GAREM1: variants seen among roughly 807,000 people sequenced by gnomAD.
The protein encoded by GAREM1 is GRB2 associated regulator of MAPK1 subtype 1, also known as GRB2-associated and regulator of MAPK protein 1.
In GAREM1, 26 loss-of-function variants were observed where a neutral mutation model predicts 71.3. The observed-to-expected ratio is 0.36, with a 90% CI of 0.27 to 0.51. GAREM1 has a LOEUF of 0.51. Ranked by LOEUF, GAREM1 falls within the 20% of genes least tolerant of loss-of-function variation. GAREM1 has a pLI of 0.95. For missense variants in GAREM1, 1,026 were observed against 1,103.1 expected (o/e 0.93, Z 0.99); for synonymous variants, 440 against 433.2 (o/e 1.02, Z -0.20).
At chr18:32,321,090 CT>C (rs1438806163) in intron 2 of GAREM1, among the ~76,000 whole-genome samples, 1 of 152,138 alleles carries the variant, frequency 6.6e-6, no homozygotes, top group Non-Finnish European at 1.5e-5. Context: ...CATTATTCAC[CT>C]TAAAATACAA....
chr18:32,423,725 A>G (rs1009505259), intron 1 of GAREM1, among the ~76,000 whole-genome samples: 5 of 152,236 alleles, frequency 3.3e-5, no homozygotes, highest in South Asian at 2.1e-4. Context: ...TGCAAGGAGC[A>G]TTAAGGATCA....
Position 32,268,421 on chromosome 18 carries a change from C to G in GAREM1, c.2081G>C (p.Gly694Ala), listed in dbSNP as rs1206882920. The change falls in exon 6 of 6, where the codon GGT becomes GCT. Residue 694 changes from glycine to alanine, a missense_variant. Coordinates refer to ENST00000269209, the MANE Select transcript of GAREM1 (RefSeq NM_001242409.2). Reference protein sequence around the residue: ...VTAEFSSSVSGCPKSASYSLE... With the variant: ...VTAEFSSSVSACPKSASYSLE... ...AGAGTAGCTGGCTGACTTGGGACAA[C>G]CAGAGACGCTGCTACTGAATTCTGC... 1.2e-6 allele frequency: 2 copies of G among 1,614,164 alleles called. No individual in the cohort carries two copies. Among genetic ancestry groups the G allele is most frequent in the Middle Eastern group, 1.6e-4 (1 of 6,062 alleles).
chr18:32,378,057 T>TGTGTGTGTGTGTGTGTGTGTGTGC (rs1293817110), intron 2 of GAREM1, among the ~76,000 whole-genome samples: 5 of 127,526 alleles, frequency 3.9e-5, no homozygotes, highest in African/African-American at 1.2e-4. Flanking sequence ...TGTGTGTGTG[T>TGTGTGTGTGTGTGTGTGTGTGTGC]GCGCGCGGGC....
At chr18:32,306,666 A>G (rs2047258806) in intron 3 of GAREM1, among the ~76,000 whole-genome samples, 1 of 152,168 alleles carries the variant, frequency 6.6e-6, no homozygotes, top group Admixed American at 6.5e-5. Flanking sequence ...CTGAGCCTAG[A>G]CTATTCTCTA....
intron 4 of GAREM1, among the ~76,000 whole-genome samples, chr18:32,282,384 C>A (rs1042256692): frequency 1.3e-5 from 2 of 152,134 alleles, no homozygotes; most frequent in African/African-American, 2.4e-5. Flanking sequence ...CGAGATCGCA[C>A]CACTGCGCTC....
intron 2 of GAREM1, among the ~76,000 whole-genome samples, chr18:32,315,683 G>T (rs1266444182): frequency 1.3e-5 from 2 of 151,884 alleles, no homozygotes; most frequent in Non-Finnish European, 2.9e-5. Flanking sequence ...GTTGGTGCAG[G>T]TCTAGAATAT....
At chr18:32,441,817 C>T (rs986987723) in intron 1 of GAREM1, among the ~76,000 whole-genome samples, 4 of 152,112 alleles carry the variant, frequency 2.6e-5, no homozygotes, top group Admixed American at 2.6e-4. Flanking sequence ...AAACAATGTG[C>T]CAATATTTTT....
At chr18:32,305,285 A>G (rs1030315322) in intron 3 of GAREM1, among the ~76,000 whole-genome samples, 1 of 151,992 alleles carries the variant, frequency 6.6e-6, no homozygotes, top group South Asian at 2.1e-4. Flanking sequence ...CTCATCTCCC[A>G]CTTTCTGTTT....
intron 1 of GAREM1, among the ~76,000 whole-genome samples, chr18:32,453,989 G>T (rs886723157): frequency 6.6e-6 from 1 of 151,972 alleles, no homozygotes; most frequent in African/African-American, 2.4e-5. Context: ...GGTGGGGTGA[G>T]TATGAAAATT....
At chr18:32,459,933 T>A (rs980899684) in intron 1 of GAREM1, among the ~76,000 whole-genome samples, 20 of 152,148 alleles carry the variant, frequency 1.3e-4, no homozygotes, top group African/African-American at 4.1e-4. Flanking sequence ...GATGACAGAC[T>A]CTGTTATAAC....
intron 3 of GAREM1, among the ~76,000 whole-genome samples, chr18:32,309,173 G>A (rs1342566095): frequency 2.0e-5 from 3 of 150,024 alleles, no homozygotes; most frequent in Non-Finnish European, 4.4e-5. Context: ...GTGTAATTAT[G>A]AGTATTGCTG....
intron 1 of GAREM1, among the ~76,000 whole-genome samples, chr18:32,395,160 G>C (rs2048238757): frequency 6.6e-6 from 1 of 152,174 alleles, no homozygotes; most frequent in Non-Finnish European, 1.5e-5. Context: ...AGCTGACTTT[G>C]GGGTCTCTCT....
intron 2 of GAREM1, among the ~76,000 whole-genome samples, chr18:32,317,924 A>C (rs2047395844): frequency 7.3e-6 from 1 of 137,412 alleles, no homozygotes; most frequent in African/African-American, 3.1e-5. Flanking sequence ...TGGAGGAACT[A>C]ATTTTTTAAG....
intron 2 of GAREM1, among the ~76,000 whole-genome samples, chr18:32,335,290 G>A (rs888906198): frequency 2.6e-5 from 4 of 152,202 alleles, no homozygotes; most frequent in Non-Finnish European, 2.9e-5. Flanking sequence ...TAAAGGCAAT[G>A]TAATTCACCC....
At chr18:32,354,230 T>C (rs2047783430) in intron 2 of GAREM1, among the ~76,000 whole-genome samples, 1 of 152,206 alleles carries the variant, frequency 6.6e-6, no homozygotes, top group Non-Finnish European at 1.5e-5. Context: ...AGCTTTTGTG[T>C]ACACTTCTAA....
intron 2 of GAREM1, among the ~76,000 whole-genome samples, chr18:32,312,224 T>C (rs1002528209): frequency 6.6e-6 from 1 of 152,186 alleles, no homozygotes; most frequent in Non-Finnish European, 1.5e-5. Context: ...CAGATGTTAT[T>C]TGAAGCCATG....
In GAREM1 at chr18:32,264,663, T is replaced by C. The variant is rs1193428745; in HGVS notation, c.*3208A>G. 3 of 152,200 alleles carry C rather than the reference T, an allele frequency of 2.0e-5. No homozygotes were observed. Among genetic ancestry groups the C allele is most frequent in the Non-Finnish European group, 2.9e-5 (2 of 68,040 alleles). The allele number at this position is 152,200 out of a possible 1,614,324, so 9.4% of individuals were successfully genotyped here. On this transcript the variant is annotated 3_prime_UTR_variant, in exon 6 of 6. Coordinates refer to ENST00000269209, the MANE Select transcript of GAREM1 (RefSeq NM_001242409.2). Reference sequence around the variant, plus strand: ...CAACTTCATAAACTGCAATGATATATGTGGGTTGAAAGAATGTAAGTAAAT... The same window carrying C: ...CAACTTCATAAACTGCAATGATATACGTGGGTTGAAAGAATGTAAGTAAAT...
chr18:32,275,118 A>C (rs1345134092), intron 4 of GAREM1, among the ~76,000 whole-genome samples: 1 of 152,188 alleles, frequency 6.6e-6, no homozygotes, highest in Non-Finnish European at 1.5e-5. Context: ...AAGACCTGCC[A>C]CATATGACCA....
chr18:32,432,348 T>G (rs1176558983), intron 1 of GAREM1, among the ~76,000 whole-genome samples: 1 of 151,846 alleles, frequency 6.6e-6, no homozygotes, highest in African/African-American at 2.4e-5. Flanking sequence ...ACTTCCACTT[T>G]AAGCAACTGG....
Sources: gnomAD v4.1 joint callset for allele counts (sites outside exome capture counted in the v4.1 genomes callset) on GRCh38, gnomAD v4.1.1 for gene constraint, MANE v1.5 for transcripts, NCBI Gene and HGNC (gene_info 2026-07-23, HGNC 2026-07-21) for gene names.